The following IL1RL2 variants were observed in gnomAD, a reference collection of about 807,000 sequenced individuals.
IL1RL2 encodes the protein interleukin-1 receptor-like 2.
Under a neutral mutation model 66.8 loss-of-function variants are expected in IL1RL2, and 68 were observed. That is an observed-to-expected ratio of 1.02 (90% CI 0.84 to 1.25). The LOEUF (loss-of-function observed/expected upper bound fraction) is 1.25. Among genes scored for constraint, IL1RL2 ranks in the 50% most tolerant of loss-of-function variants. The probability of loss-of-function intolerance (pLI) is 0.00; values close to 1 mark genes in which losing one functional copy is unlikely to be tolerated. For synonymous variants in IL1RL2, 305 were observed against 264.6 expected, an observed-to-expected ratio of 1.15 and a Z score of -1.48; for missense variants, 729 against 709.3, an observed-to-expected ratio of 1.03 and a Z score of -0.32.
rs746046505 is a variant in IL1RL2 at position 102,218,972 on chromosome 2, CT to C, written c.745del (p.Cys249AlafsTer3). The C allele has an allele frequency of 6.2e-7, 1 of 1,612,924 alleles. No individual in the cohort carries two copies. Among genetic ancestry groups the C allele is most frequent in the Admixed American group, 1.7e-5 (1 of 59,926 alleles). ...VQLGTTLIVD[C>X]NVTDTKDNTN... is the part of the protein sequence containing the mutation. ...TTTTAGGTACCACTCTGATTGTGGA[CT>C]GCAATGTAACAGACACCAAGGATAA... On this transcript the variant is annotated frameshift_variant, in exon 7 of 12. Transcript: ENST00000264257. LOFTEE classifies it high-confidence loss of function.
At chr2:102,227,076 T>C (rs1488209715) in intron 9 of IL1RL2, among the ~76,000 whole-genome samples, 1 of 152,022 alleles carries the variant, frequency 6.6e-6, no homozygotes, top group Non-Finnish European at 1.5e-5. Context: ...GTGACTATGC[T>C]ACTTTTGTTT....
At chr2:102,200,268 T>C (rs575345118) in intron 4 of IL1RL2, among the ~76,000 whole-genome samples, 1 of 152,202 alleles carries the variant, frequency 6.6e-6, no homozygotes, top group South Asian at 2.1e-4. Context: ...TGGTTTCCCA[T>C]ATCAGGTATT....
intron 6 of IL1RL2, among the ~76,000 whole-genome samples, chr2:102,215,875 T>C (rs1433667146): frequency 2.6e-5 from 4 of 152,230 alleles, no homozygotes; most frequent in African/African-American, 9.6e-5. Context: ...GAAAAAGTCT[T>C]TCTCTAATAA....
intron 3 of IL1RL2, 100 bp from the exon 4 acceptor site, chr2:102,191,825 A>G: frequency 1.2e-6 from 1 of 805,028 alleles, no homozygotes; most frequent in Non-Finnish European, 2.0e-6. Context: ...GGGTTTGCAC[A>G]GTGCTGTGAA....
intron 5 of IL1RL2, among the ~76,000 whole-genome samples, chr2:102,204,458 C>A (rs1291432250): frequency 1.3e-5 from 2 of 152,112 alleles, no homozygotes; most frequent in Non-Finnish European, 2.9e-5. Context: ...CCTGGAAGAT[C>A]TGTCCAATGC....
In IL1RL2 at chr2:102,239,564, G is replaced by T; in HGVS notation, c.*323G>T. The T allele has an allele frequency of 3.1e-6, 1 of 321,998 alleles. No homozygotes were observed. The highest frequency in any genetic ancestry group is 3.2e-5 in the South Asian group (1 of 31,526). The allele number at this position is 321,998 out of a possible 1,614,324, so 19.9% of individuals were successfully genotyped here. On this transcript the variant is annotated 3_prime_UTR_variant, in exon 12 of 12. Coordinates refer to ENST00000264257, the MANE Select transcript of IL1RL2 (RefSeq NM_003854.4). Reference sequence around the variant, plus strand: ...GCTCGGAGCATCCCCATGTCATGGTGGGTGAGATCTGGGGGTATCCCTGTG... The same window carrying T: ...GCTCGGAGCATCCCCATGTCATGGTTGGTGAGATCTGGGGGTATCCCTGTG...
At chr2:102,209,167 A>C (rs185232754) in intron 5 of IL1RL2, among the ~76,000 whole-genome samples, 2 of 152,362 alleles carry the variant, frequency 1.3e-5, no homozygotes, top group African/African-American at 4.8e-5. Flanking sequence ...ACATTTATTT[A>C]TGATCTGTTA....
chr2:102,226,244 G>A (rs899539774), intron 9 of IL1RL2, among the ~76,000 whole-genome samples: 1 of 152,184 alleles, frequency 6.6e-6, no homozygotes, highest in Non-Finnish European at 1.5e-5. Flanking sequence ...TTGCAGGCTC[G>A]TAGTGATTGA....
At chr2:102,204,665 C>G (rs576904527) in intron 5 of IL1RL2, among the ~76,000 whole-genome samples, 215 of 150,936 alleles carry the variant, frequency 1.4e-3, no homozygotes, top group Middle Eastern at 0.01. Context: ...TCTATTTTCT[C>G]TAAGCATAGC....
rs79342187 is a variant in IL1RL2, at chr2:102,234,200, A to C, written c.1298-697A>C. On this transcript the variant is annotated intron_variant, in intron 10 of 11. Coordinates refer to ENST00000264257, the MANE Select transcript of IL1RL2 (RefSeq NM_003854.4). ...AACACAGATTCAAGATTAATGCAAC[A>C]TTTCAGCTAACTACATTTTCCTATC... Among the ~76,000 whole-genome samples, 1,095 of 152,356 alleles carry C rather than the reference A, an allele frequency of 7.2e-3. 17 individuals carry two copies. Among genetic ancestry groups the C allele is most frequent in the African/African-American group, 0.025 (1,058 of 41,580 alleles).
At chr2:102,218,478 A>G (rs552976637) in intron 6 of IL1RL2, among the ~76,000 whole-genome samples, 2 of 152,178 alleles carry the variant, frequency 1.3e-5, no homozygotes, top group Non-Finnish European at 1.5e-5. Context: ...ATTTGGTGTT[A>G]GAAATCTAGA....
rs1374011377 is a variant in IL1RL2 at position 102,191,947 on chromosome 2, A to G, written c.316A>G (p.Ile106Val). The stretch of plus-strand genomic sequence containing the variant: ...CAGGGGTAGAGACAGCTGTCATAGA[A>G]TACATGTAAACCTAACTGTTTTTGA... ...VIKGRDSCHRIHVNLTVFEKH... is the reference protein window; with the variant it reads ...VIKGRDSCHRVHVNLTVFEKH... Residue 106 changes from isoleucine to valine, a missense_variant, in exon 4 of 12, where the codon ATA becomes GTA. Ile to Val is a conservative substitution (Grantham distance 29, BLOSUM62 3). Coordinates refer to ENST00000264257, the MANE Select transcript of IL1RL2 (RefSeq NM_003854.4). 4.3e-6 allele frequency: 7 copies of G among 1,611,386 alleles called. No individual in the cohort carries two copies. The highest frequency in any genetic ancestry group is 5.9e-6 in the Non-Finnish European group (7 of 1,178,916).
At chr2:102,192,217 A>G (rs1687294216) in intron 4 of IL1RL2, 97 bp downstream of exon 4, 1 of 797,440 alleles carries the variant, frequency 1.3e-6, no homozygotes, top group Non-Finnish European at 2.0e-6. Context: ...AGAATTGGTA[A>G]AGAAAGTTGT....
downstream of IL1RL2, among the ~76,000 whole-genome samples, chr2:102,240,477 GA>G (rs1373574959): frequency 7.2e-6 from 1 of 138,752 alleles, no homozygotes; most frequent in Non-Finnish European, 1.5e-5. Context: ...TTAAAACTTT[GA>G]AGTACAGTGA....
At chr2:102,221,604 TGGA>T (rs1296232826) in intron 8 of IL1RL2, among the ~76,000 whole-genome samples, 5 of 152,116 alleles carry the variant, frequency 3.3e-5, no homozygotes, top group African/African-American at 1.2e-4. Flanking sequence ...CCAAGCTCTG[TGGA>T]TTCCTCCCCT....
At chr2:102,197,540 A>C (rs1232418838) in intron 4 of IL1RL2, among the ~76,000 whole-genome samples, 1 of 152,176 alleles carries the variant, frequency 6.6e-6, no homozygotes, top group African/African-American at 2.4e-5. Context: ...GAGGCCATAA[A>C]ACTAAAAAGA....
chr2:102,230,455 T>C (rs1339878445), intron 9 of IL1RL2, among the ~76,000 whole-genome samples: 1 of 152,216 alleles, frequency 6.6e-6, no homozygotes, highest in Non-Finnish European at 1.5e-5. Context: ...GTACCTGCCC[T>C]GTGATCCCAC....
downstream of IL1RL2, among the ~76,000 whole-genome samples, chr2:102,242,168 T>G (rs1675248265): frequency 6.6e-6 from 1 of 152,252 alleles, no homozygotes; most frequent in African/African-American, 2.4e-5. Context: ...ATTTTTGTTT[T>G]GCTTTCAAAA....
intron 5 of IL1RL2, among the ~76,000 whole-genome samples, chr2:102,210,393 C>T (rs1251486745): frequency 6.6e-6 from 1 of 152,076 alleles, no homozygotes; most frequent in Admixed American, 6.5e-5. Flanking sequence ...TGACAAGCAG[C>T]CAGACAGATC....
Sources: gnomAD v4.1 joint callset for allele counts (sites outside exome capture counted in the v4.1 genomes callset) on GRCh38, gnomAD v4.1.1 for gene constraint, MANE v1.5 for transcripts, NCBI Gene and HGNC (gene_info 2026-07-23, HGNC 2026-07-21) for gene names.